XPR1: variants seen among roughly 807,000 people sequenced by gnomAD.
XPR1 encodes solute carrier family 53 member 1.
A neutral mutation model predicts 87.5 loss-of-function variants in XPR1; 28 were observed. The ratio of observed to expected loss-of-function variants is 0.32; its 90% CI spans 0.24 to 0.44. The LOEUF is 0.44. XPR1 is among the 20% of genes least tolerant of loss of function. The pLI, the probability that XPR1 is intolerant of heterozygous loss-of-function variation, is 1.00. For synonymous variants in XPR1, 300 were observed against 306.1 expected (o/e 0.98, Z 0.21); for missense variants, 559 against 862.3 (o/e 0.65, Z 4.41).
At chr1:180,682,250 G>A in intron 1 of XPR1, 110 bp from the exon 2 acceptor site, 2 of 671,092 alleles carry the variant, frequency 3.0e-6, no homozygotes, top group Non-Finnish European at 4.8e-6. Context: ...TATCAATTTA[G>A]GGAGCTATGA....
chr1:180,702,465 G>A (rs1657377040), intron 2 of XPR1, among the ~76,000 whole-genome samples: 1 of 151,952 alleles, frequency 6.6e-6, no homozygotes, highest in Non-Finnish European at 1.5e-5. Context: ...GCTTGGTGCA[G>A]AGCTGAGTTC....
At chr1:180,751,761 A>G (rs1232743783) in intron 2 of XPR1, among the ~76,000 whole-genome samples, 2 of 152,116 alleles carry the variant, frequency 1.3e-5, no homozygotes, top group East Asian at 3.8e-4. Flanking sequence ...CAATATTTTA[A>G]TTTCCAGTGG....
chr1:180,696,693 A>G (rs1657187381), intron 2 of XPR1, among the ~76,000 whole-genome samples: 1 of 152,120 alleles, frequency 6.6e-6, no homozygotes, highest in African/African-American at 2.4e-5. Context: ...AGTTTTTATC[A>G]TGAAAGGACA....
At chr1:180,848,445 A>C (rs562439590) in intron 11 of XPR1, among the ~76,000 whole-genome samples, 57 of 152,266 alleles carry the variant, frequency 3.7e-4, no homozygotes, top group Non-Finnish European at 7.2e-4. Context: ...TATTTCACAT[A>C]ATGTAATGTA....
chr1:180,824,633 G>A, intron 7 of XPR1, 120 bp from the exon 8 acceptor site: 3 of 813,182 alleles, frequency 3.7e-6, no homozygotes, highest in Middle Eastern at 7.6e-4. Context: ...TCTAGGTTTA[G>A]GTTTTATTTA....
intron 2 of XPR1, among the ~76,000 whole-genome samples, chr1:180,769,268 C>T (rs542999141): frequency 6.6e-6 from 1 of 152,100 alleles, no homozygotes; most frequent in South Asian, 2.1e-4. Flanking sequence ...TCCAATTATA[C>T]TCTTTTAAGT....
chr1:180,827,024 C>T (rs1650872145), intron 9 of XPR1, among the ~76,000 whole-genome samples: 1 of 151,712 alleles, frequency 6.6e-6, no homozygotes, highest in Non-Finnish European at 1.5e-5. Context: ...TGAGGTGGCA[C>T]GTGCCTGTAA....
At position 180,796,061 on chromosome 1, in the gene XPR1, G is replaced by A. The variant is rs560296303; in HGVS notation, c.224-7327G>A. 9.2e-5 allele frequency among the ~76,000 whole-genome samples: 14 copies of A among 152,186 alleles called. No individual in the cohort carries two copies. In the South Asian group the frequency reaches 2.1e-3, roughly 23 times the overall value. On this transcript the variant is annotated intron_variant, in intron 3 of 14. Coordinates refer to ENST00000367590, the MANE Select transcript of XPR1 (RefSeq NM_004736.4). ...CTGACCTCGTGATCCACTCACCTCG[G>A]CCTCCAAAAGTGCTGGGATTACAGG... is the stretch of plus-strand genomic sequence containing the variant.
intron 13 of XPR1, 135 bp downstream of exon 13, chr1:180,874,077 C>A: frequency 8.9e-7 from 1 of 1,120,720 alleles, no homozygotes; most frequent in Non-Finnish European, 1.2e-6. Context: ...TTCTCCTCAG[C>A]CTTAGAATTG....
At position 180,834,929 on chromosome 1, in the gene XPR1, C is replaced by T. The variant is rs1651225622; in HGVS notation, c.1190C>T (p.Ala397Val). Residue 397 changes from alanine to valine, a missense_variant, in exon 10 of 15, where the codon GCG (alanine) becomes GTG (valine). Coordinates refer to ENST00000367590, the MANE Select transcript of XPR1 (RefSeq NM_004736.4). ...GTAGGCTTTGCTGATTTCTGGCTGG[C>T]GGATCAGCTGAACAGCCTGTCAGTG... The part of the protein sequence containing the change: ...HKVGFADFWL[A>V]DQLNSLSVIL... The T allele has an allele frequency of 6.2e-7, 1 of 1,613,640 alleles. No homozygotes were observed. Among genetic ancestry groups the T allele is most frequent in the Non-Finnish European group, 8.5e-7 (1 of 1,179,832 alleles).
At chr1:180,689,859 G>T (rs1243517486) in intron 2 of XPR1, among the ~76,000 whole-genome samples, 2 of 152,144 alleles carry the variant, frequency 1.3e-5, no homozygotes, top group Admixed American at 6.5e-5. Context: ...CTATTCTAAG[G>T]TTAAAAGTTT....
chr1:180,661,169 C>T (rs921334734), intron 1 of XPR1, among the ~76,000 whole-genome samples: 10 of 151,450 alleles, frequency 6.6e-5, no homozygotes, highest in Non-Finnish European at 1.5e-4. Flanking sequence ...GTAGCTACTC[C>T]TGCTCTTTTT....
chr1:180,850,313 G>A (rs544507733), intron 11 of XPR1, among the ~76,000 whole-genome samples: 58 of 152,112 alleles, frequency 3.8e-4, no homozygotes, highest in Non-Finnish European at 2.2e-4. Flanking sequence ...TGAAGAAAAC[G>A]TGGAAGAGAT....
chr1:180,753,274 G>A (rs959022662), intron 2 of XPR1, among the ~76,000 whole-genome samples: 1 of 152,148 alleles, frequency 6.6e-6, no homozygotes, highest in Non-Finnish European at 1.5e-5. Context: ...TCTTTAAAGA[G>A]GCACTGTGGG....
rs778119034 is a variant in XPR1 at position 180,880,230 on chromosome 1, C to T, written c.1963C>T (p.Arg655Cys). 24 of 1,614,128 alleles carry T rather than the reference C, an allele frequency of 1.5e-5. No individual in the cohort carries two copies. The highest frequency in any genetic ancestry group is 2.7e-5 in the African/African-American group (2 of 75,036). Residue 655 changes from arginine to cysteine, a missense_variant, in exon 14 of 15, where the codon CGC becomes TGC. Coordinates refer to ENST00000367590, the MANE Select transcript of XPR1 (RefSeq NM_004736.4). Reference protein sequence around the residue: ...MMDQDDGVRNRQKNRSWKYNQ... With the variant: ...MMDQDDGVRNCQKNRSWKYNQ... ...GGACCAGGATGATGGGGTACGAAACCGCCAGAAGAATCGGTCATGGAAGTA... is the reference window on the plus strand; with the variant it reads ...GGACCAGGATGATGGGGTACGAAACTGCCAGAAGAATCGGTCATGGAAGTA...
At chr1:180,746,260 C>T (rs1340815118) in intron 2 of XPR1, among the ~76,000 whole-genome samples, 1 of 151,924 alleles carries the variant, frequency 6.6e-6, no homozygotes, top group African/African-American at 2.4e-5. Context: ...GTATTTTATC[C>T]CTCACCTCCC....
chr1:180,661,476 CGT>C (rs60527318), intron 1 of XPR1, among the ~76,000 whole-genome samples: 8,741 of 142,332 alleles, frequency 0.061, 288 homozygotes, highest in African/African-American at 0.09. Flanking sequence ...TTTAATTTTT[CGT>C]GTGTGTGTGT....
At chr1:180,877,429 A>G (rs930152541) in intron 13 of XPR1, among the ~76,000 whole-genome samples, 8 of 152,206 alleles carry the variant, frequency 5.3e-5, no homozygotes, top group Non-Finnish European at 1.2e-4. Flanking sequence ...ATAACAGTGG[A>G]AAAAGAGGGC....
chr1:180,740,247 C>A (rs1206569921), intron 2 of XPR1, among the ~76,000 whole-genome samples: 1 of 152,040 alleles, frequency 6.6e-6, no homozygotes, highest in Non-Finnish European at 1.5e-5. Flanking sequence ...TCTCCTTGTT[C>A]CCATCTTAGC....
Sources: gnomAD v4.1 joint callset for allele counts (sites outside exome capture counted in the v4.1 genomes callset) on GRCh38, gnomAD v4.1.1 for gene constraint, MANE v1.5 for transcripts, NCBI Gene and HGNC (gene_info 2026-07-23, HGNC 2026-07-21) for gene names.